Variants in ZNF385D observed in about 807,000 individuals in gnomAD.
ZNF385D encodes the protein zinc finger protein 659.
A neutral mutation model predicts 35.8 loss-of-function variants in ZNF385D; 15 were observed. The ratio of observed to expected loss-of-function variants is 0.42; its 90% CI spans 0.28 to 0.64. ZNF385D has a LOEUF of 0.64. Among genes scored for constraint, ZNF385D ranks in the 30% least tolerant of loss-of-function variants. The pLI, the probability that ZNF385D is intolerant of heterozygous loss-of-function variation, is 0.23. For missense variants in ZNF385D, 474 were observed against 494.6 expected (o/e 0.96, Z 0.39); for synonymous variants, 212 against 186.8 (o/e 1.13, Z -1.10).
intron 3 of ZNF385D, among the ~76,000 whole-genome samples, chr3:22,106,422 A>T (rs1702217113): frequency 6.6e-6 from 1 of 152,138 alleles, no homozygotes; most frequent in Non-Finnish European, 1.5e-5. Flanking sequence ...TACATTTTCC[A>T]ATCTCTGTCT....
At chr3:21,700,240 G>A (rs1279172733) in intron 1 of ZNF385D, among the ~76,000 whole-genome samples, 1 of 152,122 alleles carries the variant, frequency 6.6e-6, no homozygotes, top group African/African-American at 2.4e-5. Context: ...CTCAATTAAG[G>A]TGATACTGGT....
intron 1 of ZNF385D, among the ~76,000 whole-genome samples, chr3:21,728,279 TATAATAATAATAATA>T (rs111369677): frequency 1.4e-5 from 2 of 144,866 alleles, no homozygotes; most frequent in Non-Finnish European, 3.0e-5. Flanking sequence ...GAACTTAAAG[TATAATAATAATAATA>T]ATAATAATAA....
intron 3 of ZNF385D, among the ~76,000 whole-genome samples, chr3:21,951,984 C>A (rs1702088046): frequency 6.6e-6 from 1 of 151,574 alleles, no homozygotes; most frequent in Non-Finnish European, 1.5e-5. Context: ...TTGAGAGACT[C>A]CATTATTTTA....
chr3:21,969,365 A>C (rs887534347), intron 3 of ZNF385D, among the ~76,000 whole-genome samples: 1 of 152,088 alleles, frequency 6.6e-6, no homozygotes, highest in Non-Finnish European at 1.5e-5. Flanking sequence ...AGTTCTCACA[A>C]GATCTGATGG....
intron 2 of ZNF385D, among the ~76,000 whole-genome samples, chr3:22,302,377 TTA>T (rs140950656): frequency 5.3e-5 from 8 of 150,586 alleles, no homozygotes; most frequent in South Asian, 2.1e-4. Flanking sequence ...AATAGTAAAA[TTA>T]TATATATATA....
At chr3:21,916,188 C>T (rs530767542) in intron 3 of ZNF385D, among the ~76,000 whole-genome samples, 2 of 151,748 alleles carry the variant, frequency 1.3e-5, no homozygotes, top group South Asian at 4.2e-4. Flanking sequence ...CACAATGCAA[C>T]AAAACTGGAA....
intron 3 of ZNF385D, among the ~76,000 whole-genome samples, chr3:22,096,332 T>TC (rs2125613811): frequency 6.7e-6 from 1 of 148,810 alleles, no homozygotes; most frequent in Non-Finnish European, 1.5e-5. Flanking sequence ...GAAACTATTT[T>TC]TTTAAATAAA....
intron 3 of ZNF385D, among the ~76,000 whole-genome samples, chr3:22,144,125 C>T (rs1430652913): frequency 6.6e-6 from 1 of 152,018 alleles, no homozygotes; most frequent in East Asian, 1.9e-4. Context: ...TTTGCATGAG[C>T]TTTGACAACT....
chr3:21,867,535 G>C (rs1209362623), intron 3 of ZNF385D, among the ~76,000 whole-genome samples: 1 of 152,068 alleles, frequency 6.6e-6, no homozygotes, highest in African/African-American at 2.4e-5. Context: ...ATCTGTCTCT[G>C]TCAAGATTGC....
At chr3:22,306,340 G>A (rs1361334678) in intron 2 of ZNF385D, among the ~76,000 whole-genome samples, 1 of 151,748 alleles carries the variant, frequency 6.6e-6, no homozygotes, top group Non-Finnish European at 1.5e-5. Flanking sequence ...GTTAAAAAAA[G>A]TCTTTTTTTT....
chr3:22,278,368 G>C (rs1701541286), intron 2 of ZNF385D, among the ~76,000 whole-genome samples: 1 of 152,030 alleles, frequency 6.6e-6, no homozygotes, highest in Admixed American at 6.6e-5. Context: ...TTTGGTAATT[G>C]ATTCATTGAA....
intron 3 of ZNF385D, among the ~76,000 whole-genome samples, chr3:21,959,625 T>A (rs996294981): frequency 6.6e-6 from 1 of 152,150 alleles, no homozygotes; most frequent in Non-Finnish European, 1.5e-5. Flanking sequence ...AGGAGCCTAG[T>A]CACCATGGTC....
chr3:22,031,385 T>C (rs1268181975), intron 3 of ZNF385D, among the ~76,000 whole-genome samples: 2 of 152,098 alleles, frequency 1.3e-5, no homozygotes, highest in East Asian at 1.9e-4. Context: ...TTCTTTAAAA[T>C]CTAGGCAGAG....
At chr3:21,682,382 G>A (rs2066944674) in intron 1 of ZNF385D, among the ~76,000 whole-genome samples, 1 of 150,190 alleles carries the variant, frequency 6.7e-6, no homozygotes. Flanking sequence ...TACTGGCAAT[G>A]TTTTTGTGAA....
chr3:21,825,506 G>A (rs1216113686), intron 3 of ZNF385D, among the ~76,000 whole-genome samples: 1 of 151,890 alleles, frequency 6.6e-6, no homozygotes, highest in Non-Finnish European at 1.5e-5. Context: ...AGAGTTAGGT[G>A]GTTCCGGGGT....
chr3:22,321,102 T>C (rs1254122054), intron 2 of ZNF385D, among the ~76,000 whole-genome samples: 2 of 150,794 alleles, frequency 1.3e-5, no homozygotes, highest in Non-Finnish European at 3.0e-5. Flanking sequence ...TCACACTTCA[T>C]CCTGTTCAAA....
intron 3 of ZNF385D, among the ~76,000 whole-genome samples, chr3:21,997,378 T>G (rs947691580): frequency 3.9e-5 from 6 of 152,048 alleles, no homozygotes; most frequent in African/African-American, 1.4e-4. Flanking sequence ...AGGGATAGCA[T>G]TAGGAGATAT....
At chr3:21,630,205 C>CTTT (rs34565673) in intron 2 of ZNF385D, among the ~76,000 whole-genome samples, 2 of 141,026 alleles carry the variant, frequency 1.4e-5, no homozygotes, top group African/African-American at 5.2e-5. Context: ...TCTTTTCTTT[C>CTTT]TTTTTTTTTT....
intron 3 of ZNF385D, among the ~76,000 whole-genome samples, chr3:22,088,418 G>A (rs1360993638): frequency 6.6e-6 from 1 of 152,144 alleles, no homozygotes; most frequent in African/African-American, 2.4e-5. Flanking sequence ...TGTATCCTAG[G>A]ACACTTTGAG....
Sources: allele counts gnomAD v4.1 joint callset (sites outside exome capture counted in the v4.1 genomes callset), GRCh38; gene constraint gnomAD v4.1.1; transcripts MANE v1.5; gene names NCBI Gene and HGNC (gene_info 2026-07-23, HGNC 2026-07-21).